Variants in MYO18B observed in about 807,000 individuals in gnomAD.
MYO18B encodes unconventional myosin-XVIIIb.
A neutral mutation model predicts 273.0 loss-of-function variants in MYO18B; 204 were observed. The observed-to-expected ratio is 0.75, with a 90% CI of 0.67 to 0.84. The LOEUF is 0.84. Among genes scored for constraint, MYO18B ranks in the 40% least tolerant of loss-of-function variants. MYO18B has a pLI of 0.00. For synonymous variants in MYO18B, 1,330 were observed against 1,305.7 expected (o/e 1.02, Z -0.40); for missense variants, 3,212 against 3,287.6 (o/e 0.98, Z 0.56).
Position 25,831,945 on chromosome 22 carries a change from C to G in MYO18B, c.2980-972C>G, listed in dbSNP as rs115463643. Among the ~76,000 whole-genome samples the G allele has an allele frequency of 5.6e-3, 848 of 152,194 alleles. 11 individuals are homozygous for G. The highest frequency in any genetic ancestry group is 0.02 in the African/African-American group (818 of 41,510). ...AATAAACAAACAACCCCATTAGCAA[C>G]TGGAAAAATTAATTAAACAGACATT... On this transcript the variant is annotated intron_variant, in intron 15 of 43. Transcript: ENST00000335473.
At chr22:26,053,448 CT>C in the MYO18B span, among the ~76,000 whole-genome samples, 1 of 152,242 alleles carries the variant, frequency 6.6e-6, no homozygotes, top group Non-Finnish European at 1.5e-5. Flanking sequence ...AGTGCTGGAA[CT>C]TACACCCATG....
chr22:25,752,934 C>A (rs535571072), intron 1 of MYO18B, among the ~76,000 whole-genome samples: 6 of 152,346 alleles, frequency 3.9e-5, no homozygotes, highest in African/African-American at 1.4e-4. Flanking sequence ...CAGTGAGGCG[C>A]TTAGCACCCA....
At chr22:25,953,705 T>A (rs2092817795) in intron 38 of MYO18B, 1 of 152,244 alleles carries the variant, frequency 6.6e-6, no homozygotes, top group South Asian at 2.1e-4. Context: ...CTATATCACA[T>A]GCCATTTTAA....
chr22:25,866,860 G>C (rs1209204727), intron 21 of MYO18B, among the ~76,000 whole-genome samples: 1 of 147,728 alleles, frequency 6.8e-6, no homozygotes, highest in Non-Finnish European at 1.5e-5. Context: ...CTGCCATAAT[G>C]TAGATCAGGC....
intron 16 of MYO18B, 124 bp downstream of exon 16, chr22:25,833,121 C>G: frequency 1.1e-6 from 1 of 876,752 alleles, no homozygotes; most frequent in Non-Finnish European, 1.8e-6. Flanking sequence ...ACCCCGGGAT[C>G]ATTGGCAACG....
intron 34 of MYO18B, among the ~76,000 whole-genome samples, chr22:25,944,762 G>T (rs965241775): frequency 6.6e-6 from 1 of 151,506 alleles, no homozygotes; most frequent in African/African-American, 2.4e-5. Flanking sequence ...CAGGAGAATC[G>T]CTGGAACCCG....
Position 25,787,642 on chromosome 22 carries a change from T to G in MYO18B, c.2376+2151T>G, listed in dbSNP as rs539258581. Among the ~76,000 whole-genome samples the G allele has an allele frequency of 4.6e-5, 7 of 151,982 alleles. No individual in the cohort carries two copies. In the South Asian group the frequency reaches 1.5e-3, roughly 32 times the overall value. On this transcript the variant is annotated intron_variant, in intron 11 of 43. Coordinates refer to ENST00000335473, the MANE Select transcript of MYO18B (RefSeq NM_032608.7). Reference sequence around the variant, plus strand: ...GCTGGCCATGAGAATGAGAATGAAATTTCTTTCATTCTCAAAACTCATGCA... The same window carrying G: ...GCTGGCCATGAGAATGAGAATGAAAGTTCTTTCATTCTCAAAACTCATGCA...
At chr22:25,790,502 A>G (rs2145717627) in intron 11 of MYO18B, among the ~76,000 whole-genome samples, 1 of 152,150 alleles carries the variant, frequency 6.6e-6, no homozygotes, top group South Asian at 2.1e-4. Flanking sequence ...CTGTTTGTTT[A>G]TGATTTGTCT....
At chr22:25,998,359 G>A (rs1191253935) in intron 40 of MYO18B, among the ~76,000 whole-genome samples, 1 of 152,150 alleles carries the variant, frequency 6.6e-6, no homozygotes, top group African/African-American at 2.4e-5. Flanking sequence ...CTGTCACCTT[G>A]GCTAGGGGGT....
intron 31 of MYO18B, among the ~76,000 whole-genome samples, chr22:25,906,170 T>G (rs1237587621): frequency 6.6e-6 from 1 of 152,162 alleles, no homozygotes; most frequent in African/African-American, 2.4e-5. Context: ...AGACATCCAG[T>G]GGATATTTAT....
intron 12 of MYO18B, among the ~76,000 whole-genome samples, chr22:25,820,248 A>G (rs554527487): frequency 1.3e-5 from 2 of 151,966 alleles, no homozygotes; most frequent in South Asian, 4.2e-4. Context: ...ACCAGTGCAG[A>G]GTAATTGGCA....
intron 34 of MYO18B, among the ~76,000 whole-genome samples, chr22:25,932,729 A>G (rs1330834950): frequency 6.6e-6 from 1 of 152,040 alleles, no homozygotes. Context: ...TTTCTAATCC[A>G]GGAGTTGGCA....
intron 8 of MYO18B, among the ~76,000 whole-genome samples, chr22:25,778,712 G>A (rs1211575739): frequency 6.6e-6 from 1 of 151,500 alleles, no homozygotes; most frequent in South Asian, 2.1e-4. Flanking sequence ...GGCTGGTTTA[G>A]AACTCCTGGG....
chr22:25,770,724 T>G, intron 5 of MYO18B, 148 bp from the exon 6 acceptor site: 1 of 622,288 alleles, frequency 1.6e-6, no homozygotes, highest in Non-Finnish European at 2.9e-6. Flanking sequence ...TCCAAGTGAA[T>G]AGACCCCAAA....
At chr22:25,770,700 G>T (rs1443210442) in intron 5 of MYO18B, among the ~76,000 whole-genome samples, 172 bp from the exon 6 acceptor site, 2 of 152,122 alleles carry the variant, frequency 1.3e-5, no homozygotes, top group African/African-American at 4.8e-5. Flanking sequence ...AAGGATTTGG[G>T]GTCACAACTC....
intron 42 of MYO18B, among the ~76,000 whole-genome samples, chr22:26,021,151 G>A (rs1032159820): frequency 6.6e-6 from 1 of 152,162 alleles, no homozygotes; most frequent in African/African-American, 2.4e-5. Context: ...TTGAACTCAG[G>A]TCTCTCTGCA....
At chr22:25,888,419 G>A (rs900227410) in intron 25 of MYO18B, among the ~76,000 whole-genome samples, 3 of 152,026 alleles carry the variant, frequency 2.0e-5, no homozygotes, top group African/African-American at 7.2e-5. Context: ...ACACCATCTC[G>A]GCTGGTTTAT....
chr22:25,890,036 C>G (rs1231240348), intron 25 of MYO18B, among the ~76,000 whole-genome samples: 9 of 152,172 alleles, frequency 5.9e-5, no homozygotes, highest in Admixed American at 3.3e-4. Context: ...TGCAACAACA[C>G]CTATTTGGCA....
chr22:25,818,835 TCTC>T (rs1299681961), intron 12 of MYO18B, among the ~76,000 whole-genome samples: 3 of 152,056 alleles, frequency 2.0e-5, no homozygotes, highest in Admixed American at 2.0e-4. Context: ...AACCATCTCA[TCTC>T]CTTCTTGCAA....
Sources: gnomAD v4.1 joint callset for allele counts (sites outside exome capture counted in the v4.1 genomes callset) on GRCh38, gnomAD v4.1.1 for gene constraint, MANE v1.5 for transcripts, NCBI Gene and HGNC (gene_info 2026-07-23, HGNC 2026-07-21) for gene names.